RGL1: variants seen among roughly 807,000 people sequenced by gnomAD.
RGL1 encodes ral guanine nucleotide dissociation stimulator like 1, also known as ral guanine nucleotide dissociation stimulator-like 1.
RGL1 carries 24 observed loss-of-function variants against 95.2 expected under a neutral mutation model. The observed-to-expected ratio is 0.25, with a 90% confidence interval of 0.18 to 0.35. RGL1 has a LOEUF of 0.35. RGL1 is among the 10% of genes least tolerant of loss of function. RGL1 has a pLI of 1.00. For missense variants in RGL1, 715 were observed against 936.3 expected (o/e 0.76, Z 3.08); for synonymous variants, 329 against 344.9 (o/e 0.95, Z 0.51).
intron 2 of RGL1, among the ~76,000 whole-genome samples, chr1:183,840,694 C>T (rs1037025479): frequency 2.0e-4 from 28 of 142,430 alleles, no homozygotes; most frequent in African/African-American, 6.7e-4. Flanking sequence ...GAGGCCTTGT[C>T]TCTAAAAAAT....
At position 183,805,139 on chromosome 1, in the gene RGL1, C is replaced by CCGG. The variant is rs1661196899; in HGVS notation, c.-149_-147dup. 3.1e-6 allele frequency: 3 copies of CCGG among 970,662 alleles called. No homozygotes were observed. The highest frequency in any genetic ancestry group is 1.4e-6 in the Non-Finnish European group (1 of 734,944). The allele number at this position is 970,662 out of a possible 1,614,324, so 60.1% of individuals were successfully genotyped here. On this transcript the variant is annotated 5_prime_UTR_variant, in exon 1 of 18. Coordinates refer to ENST00000360851, the MANE Select transcript of RGL1 (RefSeq NM_001297671.3). ...CCCTTTGTGGCCCGAGTCGCGCGCA[C>CCGG]CGGCGGCGGCGGGGGCAGCGCGGCG... is the stretch of plus-strand genomic sequence containing the variant.
intron 2 of RGL1, among the ~76,000 whole-genome samples, chr1:183,797,232 G>A (rs1414687235): frequency 1.3e-5 from 2 of 152,136 alleles, no homozygotes; most frequent in Non-Finnish European, 2.9e-5. Context: ...GGGAAGCTGC[G>A]GCAGGAGAAT....
At chr1:183,749,354 A>G (rs1657851965) in intron 2 of RGL1, among the ~76,000 whole-genome samples, 2 of 152,084 alleles carry the variant, frequency 1.3e-5, no homozygotes, top group African/African-American at 4.8e-5. Flanking sequence ...TGTTGCATCG[A>G]TCCCTTTACC....
chr1:183,914,266 G>A (rs1668833103), intron 15 of RGL1, among the ~76,000 whole-genome samples: 1 of 152,216 alleles, frequency 6.6e-6, no homozygotes, highest in African/African-American at 2.4e-5. Context: ...AGCCCAGTGT[G>A]CTTTCTCCTG....
chr1:183,778,508 G>T (rs184287762), intron 2 of RGL1, among the ~76,000 whole-genome samples: 51 of 152,256 alleles, frequency 3.3e-4, no homozygotes, highest in African/African-American at 1.2e-3. Context: ...ATCCTTTATG[G>T]TTTCAGGGAT....
chr1:183,897,680 T>A, intron 9 of RGL1, 128 bp from the exon 10 acceptor site: 1 of 627,924 alleles, frequency 1.6e-6, no homozygotes, highest in Non-Finnish European at 2.8e-6. Context: ...GCTGGAGGCC[T>A]CTTCATTTTG....
Position 183,728,025 on chromosome 1 carries a change from A to G in RGL1, c.-32-14101A>G, listed in dbSNP as rs959673510. ...AAACAGGTTGCCTTCCCCAGTGTATATGGGCCTCATCTAATCCAATTCATT... is the reference window on the plus strand; with the variant it reads ...AAACAGGTTGCCTTCCCCAGTGTATGTGGGCCTCATCTAATCCAATTCATT... On this transcript the variant is annotated intron_variant, in intron 1 of 18. Coordinates refer to the RGL1 transcript ENST00000304685. Among the ~76,000 whole-genome samples, 125 of 152,252 alleles carry G rather than the reference A, an allele frequency of 8.2e-4. 1 individual carries two copies. The highest frequency in any genetic ancestry group is 2.8e-3 in the African/African-American group (118 of 41,560).
chr1:183,885,343 C>T (rs1460409448), intron 7 of RGL1, among the ~76,000 whole-genome samples: 1 of 152,146 alleles, frequency 6.6e-6, no homozygotes, highest in Non-Finnish European at 1.5e-5. Flanking sequence ...TACCTATGCC[C>T]CCTCCCAGTA....
chr1:183,758,391 G>T (rs1658476304), intron 2 of RGL1, among the ~76,000 whole-genome samples: 1 of 152,030 alleles, frequency 6.6e-6, no homozygotes, highest in African/African-American at 2.4e-5. Flanking sequence ...TAGAGACGGG[G>T]TTTCACCGTG....
chr1:183,824,073 C>CCA (rs1389344019), intron 2 of RGL1, among the ~76,000 whole-genome samples: 2 of 151,984 alleles, frequency 1.3e-5, no homozygotes, highest in Admixed American at 6.5e-5. Flanking sequence ...TGGGCATGAG[C>CCA]CACTATACCT....
chr1:183,650,378 C>T (rs1212511215), intron 1 of RGL1, among the ~76,000 whole-genome samples: 2 of 152,006 alleles, frequency 1.3e-5, no homozygotes, highest in African/African-American at 4.8e-5. Context: ...CCCGTCTCTA[C>T]TAAAAATGTA....
intron 5 of RGL1, among the ~76,000 whole-genome samples, chr1:183,881,076 A>AT (rs1666799546): frequency 1.3e-5 from 2 of 152,322 alleles, no homozygotes; most frequent in South Asian, 4.2e-4. Flanking sequence ...GCTCAGAAAA[A>AT]TTAAGTAATT....
intron 1 of RGL1, among the ~76,000 whole-genome samples, chr1:183,658,447 CG>C (rs1285273902): frequency 6.6e-6 from 1 of 152,146 alleles, no homozygotes; most frequent in African/African-American, 2.4e-5. Context: ...CACGGAGTCT[CG>C]CTGATTGCTA....
At chr1:183,817,323 T>C (rs978571581) in intron 2 of RGL1, among the ~76,000 whole-genome samples, 3 of 152,234 alleles carry the variant, frequency 2.0e-5, no homozygotes, top group African/African-American at 7.2e-5. Context: ...TTTCCAGCAG[T>C]GTTCCTGGCC....
At chr1:183,801,117 C>T (rs1439288978), upstream of RGL1, among the ~76,000 whole-genome samples, 1 of 150,648 alleles carries the variant, frequency 6.6e-6, no homozygotes, top group African/African-American at 2.5e-5. Flanking sequence ...TCCAATTTCT[C>T]CCCATTCTCA....
At chr1:183,767,432 G>A (rs1218722041) in intron 2 of RGL1, among the ~76,000 whole-genome samples, 1 of 152,104 alleles carries the variant, frequency 6.6e-6, no homozygotes, top group African/African-American at 2.4e-5. Context: ...ACAAAAGCAC[G>A]TGACGGATAT....
At chr1:183,770,661 GA>G (rs772805317) in intron 2 of RGL1, among the ~76,000 whole-genome samples, 1 of 152,152 alleles carries the variant, frequency 6.6e-6, no homozygotes, top group Non-Finnish European at 1.5e-5. Flanking sequence ...GAGGGAAAAG[GA>G]GTAGTTGGGC....
chr1:183,688,175 T>G lies in RGL1; in HGVS notation c.-33+51674T>G, dbSNP rs554010257. 1.1e-4 allele frequency among the ~76,000 whole-genome samples: 16 copies of G among 152,314 alleles called. No individual in the cohort carries two copies. The East Asian group carries it at 2.5e-3, about 24-fold the overall frequency. On this transcript the variant is annotated intron_variant, in intron 1 of 18. Coordinates refer to the RGL1 transcript ENST00000304685. ...CCTGATTATCATTATCTCACCATTCTAGTATGAGGATCCAGGGCTTCATTC... is the reference window on the plus strand; with the variant it reads ...CCTGATTATCATTATCTCACCATTCGAGTATGAGGATCCAGGGCTTCATTC...
At position 183,927,199 on chromosome 1, in the gene RGL1, A is replaced by C. The variant is rs973133578; in HGVS notation, c.*907A>C. ...CATTTGGACTCTTATCTGTCTTGGA[A>C]TGTCACTGCTTCATTGCCTTCTCTG... On this transcript the variant is annotated 3_prime_UTR_variant, in exon 18 of 18. Transcript: ENST00000360851. The C allele has an allele frequency of 9.2e-5, 14 of 152,748 alleles. No individual in the cohort carries two copies. The highest frequency in any genetic ancestry group is 5.2e-4 in the Admixed American group (8 of 15,294). 9.5% of individuals were successfully genotyped at this position (152,748 alleles called of 1,614,324 possible). A position where few individuals can be genotyped will look rare whatever the true frequency, so the allele number is the denominator to read the frequency against.
Sources: gnomAD v4.1 joint callset for allele counts (sites outside exome capture counted in the v4.1 genomes callset) on GRCh38, gnomAD v4.1.1 for gene constraint, MANE v1.5 for transcripts, NCBI Gene and HGNC (gene_info 2026-07-23, HGNC 2026-07-21) for gene names.